TDRD12: variants seen among roughly 807,000 people sequenced by gnomAD.
TDRD12 encodes the protein putative ATP-dependent RNA helicase TDRD12.
Under a neutral mutation model 133.5 loss-of-function variants are expected in TDRD12, and 158 were observed. The ratio of observed to expected loss-of-function variants is 1.18; its 90% CI spans 1.04 to 1.35. TDRD12 has a LOEUF of 1.35. TDRD12 is among the 40% of genes most tolerant of loss of function. The pLI, the probability that TDRD12 is intolerant of heterozygous loss-of-function variation, is 0.00. For missense variants in TDRD12, 1,443 were observed against 1,321.3 expected (o/e 1.09, Z -1.43); for synonymous variants, 460 against 477.9 (o/e 0.96, Z 0.49).
exon 22 of TDRD12, chr19:32,807,648 A>G (rs1971591966): frequency 6.6e-7 from 1 of 1,522,952 alleles, no homozygotes; most frequent in Non-Finnish European, 8.8e-7. Context: ...GATACATTAA[A>G]GTAGGTTTGG....
exon 21 of TDRD12, chr19:32,803,132 G>A (rs1971450124): frequency 2.5e-5 from 38 of 1,515,894 alleles, no homozygotes; most frequent in Non-Finnish European, 3.2e-5. Flanking sequence ...GAAGGCTTTT[G>A]GTTTTTGCAA....
intron 25 of TDRD12, among the ~76,000 whole-genome samples, 196 bp downstream of exon 25, chr19:32,813,972 T>C (rs1267467102): frequency 6.6e-6 from 1 of 152,184 alleles, no homozygotes. Context: ...AGGGGAATAT[T>C]TTACATTGTA....
intron 1 of TDRD12, 57 bp from the exon 2 acceptor site, chr19:32,731,668 T>C (rs550154560): frequency 7.1e-7 from 1 of 1,406,502 alleles, no homozygotes; most frequent in East Asian, 2.6e-5. Flanking sequence ...AAAGTTTATT[T>C]TGTGGTACTA....
At chr19:32,761,618 G>A (rs775616959) in intron 8 of TDRD12, among the ~76,000 whole-genome samples, 59 of 152,180 alleles carry the variant, frequency 3.9e-4, no homozygotes, top group Non-Finnish European at 3.4e-4. Context: ...TAGGATGTGA[G>A]CATCTTTTCA....
chr19:32,747,836 C>T (rs1482907349), intron 4 of TDRD12, among the ~76,000 whole-genome samples: 1 of 151,954 alleles, frequency 6.6e-6, no homozygotes, highest in Non-Finnish European at 1.5e-5. Context: ...TAGCTAGACC[C>T]TCTCTCTATT....
intron 2 of TDRD12, among the ~76,000 whole-genome samples, chr19:32,736,959 C>A (rs1314290432): frequency 6.6e-6 from 1 of 152,166 alleles, no homozygotes; most frequent in South Asian, 2.1e-4. Context: ...TACACCTAAC[C>A]TGCTGACCAG....
At chr19:32,742,110 G>C (rs1053381168) in intron 3 of TDRD12, among the ~76,000 whole-genome samples, 2 of 151,134 alleles carry the variant, frequency 1.3e-5, no homozygotes, top group Non-Finnish European at 2.9e-5. Context: ...TGCTTTACAG[G>C]TATGTTCATT....
At chr19:32,806,882 G>C (rs1179946209) in intron 21 of TDRD12, among the ~76,000 whole-genome samples, 1 of 151,148 alleles carries the variant, frequency 6.6e-6, no homozygotes, top group African/African-American at 2.4e-5. Flanking sequence ...GGCTGGTCTC[G>C]AGCTCCTGAC....
intron 8 of TDRD12, among the ~76,000 whole-genome samples, chr19:32,761,261 G>A (rs895874639): frequency 1.3e-5 from 2 of 151,986 alleles, no homozygotes; most frequent in Non-Finnish European, 1.5e-5. Flanking sequence ...GACTACAGGC[G>A]CCCGCCACCA....
intron 6 of TDRD12, among the ~76,000 whole-genome samples, chr19:32,754,769 T>C (rs567601294): frequency 6.7e-6 from 1 of 148,648 alleles, no homozygotes; most frequent in East Asian, 2.1e-4. Flanking sequence ...CTCTGCCTCC[T>C]GGGTTCCAGT....
chr19:32,800,740 T>C, exon 18 of TDRD12: 1 of 1,535,494 alleles, frequency 6.5e-7, no homozygotes. Context: ...GATCTTCACC[T>C]GCTCTGTAGC....
At chr19:32,757,263 G>C in intron 8 of TDRD12, 133 bp downstream of exon 8, 2 of 726,392 alleles carry the variant, frequency 2.8e-6, no homozygotes, top group Non-Finnish European at 4.6e-6. Context: ...TAACCAATTT[G>C]TGATGTAGAT....
chr19:32,820,876 T>A, intron 27 of TDRD12, 157 bp from the exon 28 acceptor site: 1 of 605,106 alleles, frequency 1.7e-6, no homozygotes, highest in East Asian at 2.8e-5. Flanking sequence ...AGGAACAGAG[T>A]TGATGGGCTG....
At chr19:32,772,346 C>A (rs1970464693) in intron 8 of TDRD12, among the ~76,000 whole-genome samples, 1 of 152,164 alleles carries the variant, frequency 6.6e-6, no homozygotes, top group Non-Finnish European at 1.5e-5. Flanking sequence ...CACAGCACCA[C>A]TTCTGGGTGG....
chr19:32,802,731 C>T (rs974958500), exon 20 of TDRD12: 2 of 1,536,480 alleles, frequency 1.3e-6, no homozygotes, highest in African/African-American at 2.7e-5. Flanking sequence ...TTCCCTGCCT[C>T]ACCAAAAGTT....
chr19:32,807,468 A>G (rs991406813), intron 21 of TDRD12, 81 bp from the exon 22 acceptor site: 4 of 973,856 alleles, frequency 4.1e-6, no homozygotes, highest in Non-Finnish European at 4.4e-6. Flanking sequence ...TAGGTTGCAG[A>G]TTAATTTTCT....
intron 11 of TDRD12, among the ~76,000 whole-genome samples, chr19:32,777,815 A>G (rs182170204): frequency 9.9e-3 from 44 of 4,428 alleles, no homozygotes; most frequent in Non-Finnish European, 0.014. Flanking sequence ...TGATTTACAT[A>G]TATATATATA....
At chr19:32,804,213 C>T (rs879561702) in intron 21 of TDRD12, among the ~76,000 whole-genome samples, 22 of 151,888 alleles carry the variant, frequency 1.4e-4, no homozygotes, top group Non-Finnish European at 3.2e-4. Context: ...GCTGGGACTA[C>T]AGGCACCTGC....
At chr19:32,815,421 A>G in intron 25 of TDRD12, 27 bp from the exon 26 acceptor site, 1 of 1,514,104 alleles carries the variant, frequency 6.6e-7, no homozygotes, top group Non-Finnish European at 8.9e-7. Flanking sequence ...GATTACTGCT[A>G]ATGTTCAATT....
Sources: gnomAD v4.1 joint callset for allele counts (sites outside exome capture counted in the v4.1 genomes callset) on GRCh38, gnomAD v4.1.1 for gene constraint, MANE v1.5 for transcripts, NCBI Gene and HGNC (gene_info 2026-07-23, HGNC 2026-07-21) for gene names.